The following PRH1 variants were observed in gnomAD, a reference collection of about 807,000 sequenced individuals.
The protein encoded by PRH1 is proline rich protein HaeIII subfamily 1, also known as salivary acidic proline-rich phosphoprotein 1/2.
In PRH1, 7 loss-of-function variants were observed where a neutral mutation model predicts 7.9. That is an observed-to-expected ratio of 0.89 (90% CI 0.50 to 1.67). The LOEUF (loss-of-function observed/expected upper bound fraction) is 1.67. PRH1 is among the 40% of genes most tolerant of loss of function. PRH1 has a pLI of 0.00. For synonymous variants in PRH1, 45 were observed against 80.8 expected, an observed-to-expected ratio of 0.56 and a Z score of 2.38; for missense variants, 109 against 223.6, an observed-to-expected ratio of 0.49 and a Z score of 3.27.
intron 1 of PRH1, among the ~76,000 whole-genome samples, chr12:11,131,386 T>C (rs771554408): frequency 4.6e-5 from 7 of 152,234 alleles, no homozygotes; most frequent in African/African-American, 1.7e-4. Context: ...AATTTCCACA[T>C]GTCCCTGCCA....
At chr12:10,922,831 C>CTTTTTTTTTTT (rs202084629) in intron 2 of PRH1, among the ~76,000 whole-genome samples, 4 of 119,258 alleles carry the variant, frequency 3.4e-5, no homozygotes, top group East Asian at 5.8e-4. Flanking sequence ...TTTTCTTTTT[C>CTTTTTTTTTTT]TTTTTTTTGA....
chr12:11,115,195 AC>A (rs1945697275), intron 1 of PRH1, among the ~76,000 whole-genome samples: 1 of 152,198 alleles, frequency 6.6e-6, no homozygotes, highest in Non-Finnish European at 1.5e-5. Flanking sequence ...CAGAAAGAAA[AC>A]AACGGGATGG....
chr12:10,965,686 T>C (rs1416526364), intron 2 of PRH1, among the ~76,000 whole-genome samples: 1 of 152,252 alleles, frequency 6.6e-6, no homozygotes, highest in Non-Finnish European at 1.5e-5. Flanking sequence ...AGACATATTC[T>C]CTTTCAGTGT....
chr12:11,137,950 T>C (rs1946602186), intron 1 of PRH1, among the ~76,000 whole-genome samples: 1 of 150,540 alleles, frequency 6.6e-6, no homozygotes, highest in Non-Finnish European at 1.5e-5. Flanking sequence ...AGAACAATAT[T>C]ATTCTTCTTC....
At chr12:11,132,714 T>C (rs1946395690) in intron 1 of PRH1, among the ~76,000 whole-genome samples, 1 of 152,088 alleles carries the variant, frequency 6.6e-6, no homozygotes. Context: ...ACTCAAATTT[T>C]ATTGTGTTCA....
At chr12:11,039,601 A>G (rs1173051329) in intron 1 of PRH1, among the ~76,000 whole-genome samples, 1 of 152,242 alleles carries the variant, frequency 6.6e-6, no homozygotes, top group Non-Finnish European at 1.5e-5. Flanking sequence ...CATTGGTTTT[A>G]TTACCTGGTA....
chr12:11,148,541 T>C (rs1284379207), intron 1 of PRH1, among the ~76,000 whole-genome samples: 1 of 147,736 alleles, frequency 6.8e-6, no homozygotes, highest in Non-Finnish European at 1.5e-5. Context: ...TCTATTGAGA[T>C]AATCATGTGG....
chr12:11,119,384 A>G (rs1764823815), downstream of PRH1, among the ~76,000 whole-genome samples: 1 of 152,160 alleles, frequency 6.6e-6, no homozygotes. Flanking sequence ...ACTATAGTCA[A>G]TGATAATTTA....
chr12:11,013,454 T>C (rs1387811086), intron 1 of PRH1, among the ~76,000 whole-genome samples: 1 of 152,164 alleles, frequency 6.6e-6, no homozygotes, highest in Admixed American at 6.5e-5. Context: ...ATAACTCATA[T>C]TTAATTGATT....
chr12:11,096,137 C>A lies in PRH1; in HGVS notation n.124-48949G>T, dbSNP rs1404445852. Among the ~76,000 whole-genome samples the A allele has an allele frequency of 1.7e-5, 2 of 115,872 alleles. 1 individual carries two copies. The highest frequency in any genetic ancestry group is 4.1e-5 in the Non-Finnish European group (2 of 49,022). 76.0% of individuals were successfully genotyped at this position (115,872 alleles called of 152,430 possible). On this transcript the variant is annotated intron_variant and non_coding_transcript_variant, in intron 1 of 4. Coordinates refer to the PRH1 transcript ENST00000541977. The stretch of plus-strand genomic sequence containing the variant: ...TATACTTTATCACTTTTGGAAAAAT[C>A]TCCACATTGCTTCTGCCCCATTTGC...
chr12:10,885,964 C>T (rs775689385), upstream of PRH1, among the ~76,000 whole-genome samples: 16 of 152,110 alleles, frequency 1.1e-4, no homozygotes, highest in African/African-American at 3.1e-4. Flanking sequence ...TTGCTACAGA[C>T]GACATTGTTC....
intron 1 of PRH1, among the ~76,000 whole-genome samples, chr12:11,043,941 T>C (rs1028436770): frequency 1.2e-4 from 18 of 151,936 alleles, no homozygotes; most frequent in African/African-American, 4.1e-4. Flanking sequence ...GAGAAAACAA[T>C]CCTAAAATTT....
chr12:11,018,971 CAT>C (rs1280131941), intron 1 of PRH1, among the ~76,000 whole-genome samples: 2 of 150,810 alleles, frequency 1.3e-5, no homozygotes, highest in African/African-American at 4.9e-5. Flanking sequence ...AGCGGGGAAA[CAT>C]AGGGAAAGGG....
chr12:11,008,216 TAG>T (rs1423339538), intron 1 of PRH1, among the ~76,000 whole-genome samples: 2 of 152,118 alleles, frequency 1.3e-5, no homozygotes, highest in African/African-American at 4.8e-5. Flanking sequence ...TTCAACTCTC[TAG>T]AGTTGTATAA....
chr12:10,930,612 A>G, intron 2 of PRH1: 1 of 1,606,522 alleles, frequency 6.2e-7, no homozygotes, highest in Non-Finnish European at 8.5e-7. Flanking sequence ...ATATGAAGAC[A>G]GGAGGGTTTT....
intron 1 of PRH1, among the ~76,000 whole-genome samples, chr12:10,984,010 T>C (rs990998316): frequency 6.6e-6 from 1 of 152,210 alleles, no homozygotes; most frequent in Non-Finnish European, 1.5e-5. Flanking sequence ...AATATGGCAA[T>C]TTAAATGTTC....
At chr12:10,943,471 G>A (rs114031587) in intron 2 of PRH1, among the ~76,000 whole-genome samples, 3,008 of 152,178 alleles carry the variant, frequency 0.02, 35 homozygotes, top group South Asian at 0.031. Flanking sequence ...TTGGATATAA[G>A]GCCTTTGTCA....
At chr12:10,993,723 C>A (rs1383781327) in intron 1 of PRH1, among the ~76,000 whole-genome samples, 1 of 152,092 alleles carries the variant, frequency 6.6e-6, no homozygotes, top group Non-Finnish European at 1.5e-5. Flanking sequence ...TCAAGTGGAA[C>A]TAGAACAAAA....
chr12:11,048,021 A>T (rs189711515), upstream of PRH1, among the ~76,000 whole-genome samples: 645 of 152,310 alleles, frequency 4.2e-3, 5 homozygotes, highest in African/African-American at 0.015. Flanking sequence ...AATTCTTCAC[A>T]TGAAATACCA....
Sources: allele counts gnomAD v4.1 joint callset (sites outside exome capture counted in the v4.1 genomes callset), GRCh38; gene constraint gnomAD v4.1.1; transcripts MANE v1.5; gene names NCBI Gene and HGNC (gene_info 2026-07-23, HGNC 2026-07-21).